DNAH3: variants seen among roughly 807,000 people sequenced by gnomAD.
DNAH3 encodes axonemal beta dynein heavy chain 3.
A neutral mutation model predicts 432.5 loss-of-function variants in DNAH3; 332 were observed. That is an observed-to-expected ratio of 0.77 (90% CI 0.70 to 0.84). DNAH3 has a LOEUF of 0.84. DNAH3 is among the 40% of genes least tolerant of loss of function. DNAH3 has a pLI of 0.00. For synonymous variants in DNAH3, 1,956 were observed against 1,900.2 expected (o/e 1.03, Z -0.76); for missense variants, 4,861 against 5,114.0 (o/e 0.95, Z 1.51).
exon 53 of DNAH3, chr16:20,963,458 G>A (rs762661332): frequency 6.2e-7 from 1 of 1,614,126 alleles, no homozygotes; most frequent in Non-Finnish European, 8.5e-7. Context: ...AAACATCGAA[G>A]GATCACCATC....
intron 31 of DNAH3, 111 bp from the exon 32 acceptor site, chr16:21,042,314 G>T: frequency 1.9e-6 from 2 of 1,055,176 alleles, no homozygotes; most frequent in Non-Finnish European, 1.4e-6. Context: ...CCCAAAAACC[G>T]CACCTGCACA....
chr16:20,985,848 A>AGTTTT (rs1033902902), intron 47 of DNAH3, 133 bp from the exon 48 acceptor site: 13 of 933,476 alleles, frequency 1.4e-5, no homozygotes, highest in Admixed American at 1.2e-4. Context: ...ATGGGTCATC[A>AGTTTT]GTTTTGTTTT....
chr16:21,031,253 T>C, exon 37 of DNAH3: 3 of 1,614,180 alleles, frequency 1.9e-6, no homozygotes, highest in Non-Finnish European at 2.5e-6. Context: ...GTTGATGATC[T>C]TGTACTCCAC....
At position 21,028,919 on chromosome 16, in the gene DNAH3, T is replaced by C. The variant is rs371449140; in HGVS notation, c.5440-1792A>G. Reference sequence around the variant, plus strand: ...GATTAAAAACTTCCCTGCATCTTACTTGGCCTGCATCAAACACAACTTGAA... The same window carrying C: ...GATTAAAAACTTCCCTGCATCTTACCTGGCCTGCATCAAACACAACTTGAA... On this transcript the variant is annotated intron_variant, in intron 37 of 61. Coordinates refer to ENST00000261383, the Ensembl canonical transcript of DNAH3. Among the ~76,000 whole-genome samples the C allele has an allele frequency of 1.4e-4, 21 of 152,332 alleles. No individual in the cohort carries two copies. The South Asian group carries it at 4.4e-3, about 32-fold the overall frequency.
At chr16:21,130,753 T>G (rs2152820228) in intron 7 of DNAH3, among the ~76,000 whole-genome samples, 1 of 152,346 alleles carries the variant, frequency 6.6e-6, no homozygotes, top group African/African-American at 2.4e-5. Context: ...AGCTATAGGC[T>G]CAACAATTTG....
chr16:21,103,358 G>T (rs891190623), intron 16 of DNAH3, among the ~76,000 whole-genome samples: 2 of 150,210 alleles, frequency 1.3e-5, no homozygotes, highest in Non-Finnish European at 3.0e-5. Context: ...TGTGTGTGGG[G>T]GGGGGCAGGG....
intron 22 of DNAH3, 110 bp downstream of exon 22, chr16:21,070,600 T>C: frequency 1.4e-6 from 1 of 715,866 alleles, no homozygotes; most frequent in East Asian, 2.6e-5. Flanking sequence ...ATTTTTCCAA[T>C]TAGGACAAAG....
chr16:21,033,960 G>C lies in DNAH3; in HGVS notation c.5197+14C>G. 2 of 1,599,740 alleles carry C rather than the reference G, an allele frequency of 1.3e-6. No individual in the cohort carries two copies. Reference sequence around the variant, plus strand: ...AGTTCTGTCCTCCCTGGAAGCCAGGGATGTGAGCTTTACCTGCGTGTAAAT... The same window carrying C: ...AGTTCTGTCCTCCCTGGAAGCCAGGCATGTGAGCTTTACCTGCGTGTAAAT... On this transcript the variant is annotated intron_variant, in intron 36 of 61. Transcript: ENST00000261383.
intron 1 of DNAH3, among the ~76,000 whole-genome samples, chr16:21,154,090 CTG>C (rs1421918036): frequency 2.6e-5 from 4 of 152,314 alleles, no homozygotes; most frequent in Non-Finnish European, 5.9e-5. Context: ...AAAACAGCAA[CTG>C]TAATCCAATG....
rs1046009208 is a variant in DNAH3 at position 20,980,221 on chromosome 16, ATTAT to A, written c.7860-679_7860-676del. Among the ~76,000 whole-genome samples the A allele has an allele frequency of 6.8e-4, 66 of 97,408 alleles. No homozygotes were observed. The South Asian group carries it at 0.01, about 15-fold the overall frequency. 63.9% of individuals were successfully genotyped at this position (97,408 alleles called of 152,430 possible). A position where few individuals can be genotyped will look rare whatever the true frequency, so the allele number is the denominator to read the frequency against. The stretch of plus-strand genomic sequence containing the variant: ...TTATATATTTATTTATATTATTTAT[ATTAT>A]TTATTTATATTATATATATAATATA... On this transcript the variant is annotated intron_variant, in intron 49 of 61. Transcript: ENST00000261383.
At chr16:20,983,126 A>AATTTTT (rs1472129769) in intron 48 of DNAH3, among the ~76,000 whole-genome samples, 1 of 151,884 alleles carries the variant, frequency 6.6e-6, no homozygotes. Context: ...AAAAAATTTT[A>AATTTTT]ATTTTTTATT....
chr16:20,963,749 T>C (rs748858950), exon 53 of DNAH3: 8 of 1,613,840 alleles, frequency 5.0e-6, no homozygotes, highest in South Asian at 2.2e-5. Context: ...ATGATGCCGA[T>C]GGTCAGGAGG....
exon 27 of DNAH3, chr16:21,058,101 C>T (rs755030556): frequency 8.7e-5 from 139 of 1,606,288 alleles, no homozygotes; most frequent in Non-Finnish European, 1.2e-4. Context: ...AGGTATTTTC[C>T]GCCAGGGCTT....
intron 39 of DNAH3, among the ~76,000 whole-genome samples, chr16:21,024,073 T>G (rs2152715438): frequency 6.6e-6 from 1 of 152,168 alleles, no homozygotes. Context: ...GGTACCCGCC[T>G]AACCCGAACT....
chr16:20,969,291 CATGT>C (rs917161256), intron 52 of DNAH3, among the ~76,000 whole-genome samples: 3 of 143,024 alleles, frequency 2.1e-5, no homozygotes, highest in African/African-American at 7.8e-5. Context: ...CATGTGTGTG[CATGT>C]GTGTGTGTGT....
At chr16:21,142,654 C>CT (rs11336320) in intron 3 of DNAH3, among the ~76,000 whole-genome samples, 3,411 of 136,358 alleles carry the variant, frequency 0.025, 123 homozygotes, top group African/African-American at 0.083. Context: ...TACAAAAATC[C>CT]TTTTTTTTTT....
intron 53 of DNAH3, 71 bp downstream of exon 53, chr16:20,963,213 G>A: frequency 7.0e-7 from 1 of 1,433,692 alleles, no homozygotes; most frequent in Non-Finnish European, 9.5e-7. Flanking sequence ...CCTGCTGTAA[G>A]GGACGGGCTA....
chr16:20,947,795 T>G (rs561004871), intron 57 of DNAH3, among the ~76,000 whole-genome samples: 49 of 152,268 alleles, frequency 3.2e-4, no homozygotes, highest in Non-Finnish European at 5.9e-4. Context: ...TTGTTTGTTT[T>G]TTTGAGACAG....
At chr16:21,034,127 A>G (rs1249346605) in intron 35 of DNAH3, 42 bp from the exon 36 acceptor site, 6 of 1,325,688 alleles carry the variant, frequency 4.5e-6, no homozygotes, top group Middle Eastern at 1.8e-4. Flanking sequence ...AATCATTGCA[A>G]CGCTCCCCCA....
Sources: gnomAD v4.1 joint callset for allele counts (sites outside exome capture counted in the v4.1 genomes callset) on GRCh38, gnomAD v4.1.1 for gene constraint, MANE v1.5 for transcripts, NCBI Gene and HGNC (gene_info 2026-07-23, HGNC 2026-07-21) for gene names.